The following DMD variants were observed in gnomAD, a reference collection of about 807,000 sequenced individuals.
DMD encodes the protein mutant dystrophin.
A neutral mutation model predicts 330.1 loss-of-function variants in DMD; 63 were observed. The ratio of observed to expected loss-of-function variants is 0.19; its 90% CI spans 0.16 to 0.24. The LOEUF (loss-of-function observed/expected upper bound fraction) is 0.24, where lower values mean the gene tolerates loss of function less well. Ranked by LOEUF, DMD falls within the 10% of genes least tolerant of loss-of-function variation. DMD has a pLI of 1.00. For synonymous variants in DMD, 1,223 were observed against 959.8 expected, an observed-to-expected ratio of 1.27 and a Z score of -5.07; for missense variants, 3,344 against 2,684.1, an observed-to-expected ratio of 1.25 and a Z score of -5.43.
At chrX:32,312,074 C>A (rs1255934191) in intron 41 of DMD, among the ~76,000 whole-genome samples, 5 of 111,616 alleles carry the variant, frequency 4.5e-5, no homozygotes, top group Non-Finnish European at 9.5e-5. Context: ...ATACATTTTA[C>A]ACCTGTAAGT....
At chrX:33,020,036 CTA>C in intron 2 of DMD, 101 bp downstream of exon 2, 1 of 591,664 alleles carries the variant, frequency 1.7e-6, no homozygotes, top group Non-Finnish European at 2.7e-6. Flanking sequence ...TAAAATGACA[CTA>C]TGAGAGAAAT....
At chrX:32,787,973 T>C (rs943389184) in intron 7 of DMD, among the ~76,000 whole-genome samples, 2 of 111,849 alleles carry the variant, frequency 1.8e-5, no homozygotes, top group African/African-American at 6.5e-5. Context: ...ATACAGGTTT[T>C]ACTTACTCCT....
intron 7 of DMD, among the ~76,000 whole-genome samples, chrX:32,797,889 A>G: frequency 8.9e-6 from 1 of 111,806 alleles, no homozygotes; most frequent in Non-Finnish European, 1.9e-5. Context: ...AATTATATTT[A>G]AATGTTTCTG....
intron 1 of DMD, among the ~76,000 whole-genome samples, chrX:33,045,853 C>A (rs987417313): frequency 3.6e-5 from 4 of 111,580 alleles, no homozygotes; most frequent in African/African-American, 1.3e-4. Flanking sequence ...TTGTGATAAG[C>A]AGCTAACATG....
intron 9 of DMD, among the ~76,000 whole-genome samples, chrX:32,694,034 A>G (rs1312221802): frequency 8.9e-6 from 1 of 112,063 alleles, no homozygotes; most frequent in Admixed American, 9.5e-5. Flanking sequence ...ATAATTTTCA[A>G]TCATCATGTT....
At chrX:32,732,214 A>G (rs1305688152) in intron 7 of DMD, among the ~76,000 whole-genome samples, 1 of 111,110 alleles carries the variant, frequency 9.0e-6, no homozygotes, top group Admixed American at 9.6e-5. Context: ...TTTAGAGGAA[A>G]AAGAATAAAA....
chrX:32,277,701 T>C (rs1308305021), intron 43 of DMD, among the ~76,000 whole-genome samples: 1 of 110,740 alleles, frequency 9.0e-6, no homozygotes. Flanking sequence ...AGTTAAACAA[T>C]ATGCTACTAA....
intron 41 of DMD, among the ~76,000 whole-genome samples, chrX:32,336,152 T>C (rs1438476057): frequency 9.2e-6 from 1 of 108,889 alleles, no homozygotes; most frequent in African/African-American, 3.4e-5. Context: ...TATAACATGT[T>C]ATCTGTGTGT....
chrX:31,950,527 C>T (rs935011803), intron 45 of DMD, among the ~76,000 whole-genome samples: 4 of 110,504 alleles, frequency 3.6e-5, no homozygotes, highest in Admixed American at 2.9e-4. Context: ...TTGGTGAATT[C>T]TTCTATATTG....
intron 1 of DMD, among the ~76,000 whole-genome samples, chrX:33,067,113 G>A (rs1265811325): frequency 8.9e-6 from 1 of 112,143 alleles, no homozygotes; most frequent in East Asian, 2.8e-4. Context: ...TTCCTGTTCA[G>A]TAAGTGTCTG....
At chrX:32,911,975 C>T (rs1307460571) in intron 2 of DMD, among the ~76,000 whole-genome samples, 1 of 105,982 alleles carries the variant, frequency 9.4e-6, no homozygotes, top group African/African-American at 3.5e-5. Flanking sequence ...GCCACTATTA[C>T]CCTTAAAGTA....
At chrX:31,819,657 G>A (rs1317670241) in intron 50 of DMD, among the ~76,000 whole-genome samples, 3 of 112,754 alleles carry the variant, frequency 2.7e-5, no homozygotes, top group Non-Finnish European at 5.6e-5. Context: ...CAGATGTAGG[G>A]CTCCTGCGAG....
In DMD at chrX:33,009,153, CGTATATATGTATAT is replaced by C. The variant is rs2093502403; in HGVS notation, c.93+10972_93+10985del. Among the ~76,000 whole-genome samples, 4 of 18,891 alleles carry C rather than the reference CGTATATATGTATAT, an allele frequency of 2.1e-4. 1 individual carries two copies. Among genetic ancestry groups the C allele is most frequent in the African/African-American group, 7.2e-4 (3 of 4,176 alleles). The allele number at this position is 18,891 out of a possible 115,157, so 16.4% of individuals were successfully genotyped here. ...ATATGTATATATATGTGTATATATA[CGTATATATGTATAT>C]ATATGTGTATATATACGTATATATG... is the stretch of plus-strand genomic sequence containing the variant. On this transcript the variant is annotated intron_variant, in intron 2 of 78. Transcript: ENST00000357033.
intron 15 of DMD, among the ~76,000 whole-genome samples, chrX:32,569,389 C>A (rs2052133861): frequency 8.9e-6 from 1 of 111,809 alleles, no homozygotes; most frequent in Non-Finnish European, 1.9e-5. Context: ...CCAATTCATT[C>A]TAATCACCAG....
chrX:32,709,452 A>G (rs2064984986), intron 7 of DMD, among the ~76,000 whole-genome samples: 1 of 111,737 alleles, frequency 8.9e-6, no homozygotes, highest in African/African-American at 3.2e-5. Flanking sequence ...TAGTGAATAG[A>G]ATTTGATGTA....
chrX:31,746,595 CAT>C (rs1215959557), intron 51 of DMD, among the ~76,000 whole-genome samples: 1 of 111,403 alleles, frequency 9.0e-6, no homozygotes, highest in East Asian at 2.8e-4. Context: ...GCAATTAAGA[CAT>C]ATGTTATATA....
chrX:32,147,000 C>A (rs1446804490), intron 44 of DMD, among the ~76,000 whole-genome samples: 2 of 112,037 alleles, frequency 1.8e-5, no homozygotes, highest in African/African-American at 6.5e-5. Context: ...ATGATGGTAC[C>A]TATACCTCTA....
At chrX:33,081,264 T>A (rs1281479004) in intron 1 of DMD, among the ~76,000 whole-genome samples, 6 of 111,465 alleles carry the variant, frequency 5.4e-5, no homozygotes, top group African/African-American at 1.6e-4. Context: ...ACATTTCTTT[T>A]CTTATTTTTG....
intron 29 of DMD, among the ~76,000 whole-genome samples, chrX:32,437,495 GTTATA>G (rs2098266182): frequency 9.0e-6 from 1 of 111,387 alleles, no homozygotes; most frequent in Admixed American, 9.5e-5. Flanking sequence ...CTCTTCATAC[GTTATA>G]TTATTTGTTT....
Sources: allele counts gnomAD v4.1 joint callset (sites outside exome capture counted in the v4.1 genomes callset), GRCh38; gene constraint gnomAD v4.1.1; transcripts MANE v1.5; gene names NCBI Gene and HGNC (gene_info 2026-07-23, HGNC 2026-07-21).